ERC2: variants seen among roughly 807,000 people sequenced by gnomAD.
ERC2 encodes ERC protein 2.
In ERC2, 42 loss-of-function variants were observed where a neutral mutation model predicts 114.8. The ratio of observed to expected loss-of-function variants is 0.37; its 90% confidence interval spans 0.29 to 0.47. ERC2 has a LOEUF of 0.47. ERC2 is among the 20% of genes least tolerant of loss of function. The probability of loss-of-function intolerance (pLI) is 0.99; values close to 1 mark genes in which losing one functional copy is unlikely to be tolerated. For synonymous variants in ERC2, 454 were observed against 425.5 expected, an observed-to-expected ratio of 1.07 and a Z score of -0.82; for missense variants, 939 against 1,150.7, an observed-to-expected ratio of 0.82 and a Z score of 2.66.
chr3:55,631,261 A>G (rs1287974892), intron 17 of ERC2, among the ~76,000 whole-genome samples: 2 of 152,188 alleles, frequency 1.3e-5, no homozygotes, highest in Non-Finnish European at 2.9e-5. Flanking sequence ...CCAGGGACAC[A>G]ATGGGCTCTT....
intron 15 of ERC2, among the ~76,000 whole-genome samples, chr3:55,725,584 A>T (rs1391864025): frequency 2.0e-5 from 3 of 152,218 alleles, no homozygotes; most frequent in African/African-American, 7.2e-5. Flanking sequence ...TAGAGATGAT[A>T]AAACTCCAAG....
chr3:55,713,028 C>A (rs1015761187), intron 15 of ERC2, among the ~76,000 whole-genome samples: 1 of 151,488 alleles, frequency 6.6e-6, no homozygotes, highest in Non-Finnish European at 1.5e-5. Flanking sequence ...TTACCATCTG[C>A]TGTGCAATGC....
intron 6 of ERC2, among the ~76,000 whole-genome samples, chr3:56,084,231 G>A (rs969192706): frequency 1.5e-4 from 23 of 152,186 alleles, no homozygotes; most frequent in African/African-American, 5.1e-4. Context: ...TGGCTTGGAT[G>A]TGGTGGAAAG....
At chr3:56,159,088 C>G (rs2081905559) in intron 4 of ERC2, among the ~76,000 whole-genome samples, 1 of 151,768 alleles carries the variant, frequency 6.6e-6, no homozygotes, top group Non-Finnish European at 1.5e-5. Flanking sequence ...TGTGTGGCAC[C>G]CCCCCACCCC....
chr3:55,689,438 T>C (rs2062515621), intron 16 of ERC2, among the ~76,000 whole-genome samples: 1 of 152,098 alleles, frequency 6.6e-6, no homozygotes, highest in Admixed American at 6.5e-5. Flanking sequence ...GCCAACAATA[T>C]TGTTTGGGAG....
chr3:56,104,234 T>C (rs1239378067), intron 6 of ERC2, among the ~76,000 whole-genome samples: 1 of 152,206 alleles, frequency 6.6e-6, no homozygotes, highest in Non-Finnish European at 1.5e-5. Context: ...GATAGACTTA[T>C]TGGAGAAAAT....
intron 8 of ERC2, among the ~76,000 whole-genome samples, chr3:56,012,730 C>T (rs981194981): frequency 3.9e-5 from 6 of 152,146 alleles, no homozygotes; most frequent in African/African-American, 7.2e-5. Flanking sequence ...ATTGATGATT[C>T]AATACTACAA....
chr3:55,735,395 G>A (rs1266293500), intron 14 of ERC2, among the ~76,000 whole-genome samples: 3 of 152,204 alleles, frequency 2.0e-5, no homozygotes, highest in Non-Finnish European at 4.4e-5. Flanking sequence ...AAGGGCTTTT[G>A]TACTAACATG....
At chr3:56,395,332 T>TA in intron 2 of ERC2, among the ~76,000 whole-genome samples, 1 of 152,346 alleles carries the variant, frequency 6.6e-6, no homozygotes, top group East Asian at 1.9e-4. Flanking sequence ...TCTAAGCTGT[T>TA]AAAACCAAAG....
At chr3:56,254,793 C>T (rs986451878) in intron 3 of ERC2, among the ~76,000 whole-genome samples, 1 of 152,028 alleles carries the variant, frequency 6.6e-6, no homozygotes, top group Non-Finnish European at 1.5e-5. Flanking sequence ...CTCTGCCTCA[C>T]AATATTAAAT....
At chr3:56,293,055 A>G (rs555328256) in intron 3 of ERC2, among the ~76,000 whole-genome samples, 8 of 152,368 alleles carry the variant, frequency 5.3e-5, no homozygotes, top group South Asian at 2.1e-4. Context: ...CAGATCTTCA[A>G]TAAGTATTCA....
chr3:55,861,014 CA>C (rs1314585121), intron 14 of ERC2, among the ~76,000 whole-genome samples: 1 of 152,150 alleles, frequency 6.6e-6, no homozygotes, highest in African/African-American at 2.4e-5. Flanking sequence ...TAATTTCCCC[CA>C]AATAGAAAGG....
chr3:56,411,164 A>C (rs910531309), intron 2 of ERC2, among the ~76,000 whole-genome samples: 3 of 151,344 alleles, frequency 2.0e-5, no homozygotes, highest in Non-Finnish European at 4.4e-5. Context: ...TCTTATTAAC[A>C]GATTGATTTG....
intron 4 of ERC2, among the ~76,000 whole-genome samples, chr3:56,153,479 A>G (rs2081538540): frequency 6.6e-6 from 1 of 152,192 alleles, no homozygotes; most frequent in African/African-American, 2.4e-5. Context: ...AAGACTGACC[A>G]ATGCAGAAGA....
intron 13 of ERC2, among the ~76,000 whole-genome samples, chr3:55,895,263 T>C (rs2063788968): frequency 6.6e-6 from 1 of 152,226 alleles, no homozygotes; most frequent in Non-Finnish European, 1.5e-5. Flanking sequence ...ACACTGCTCC[T>C]AATTAAATCA....
intron 17 of ERC2, among the ~76,000 whole-genome samples, chr3:55,678,455 G>A (rs1190275187): frequency 6.6e-6 from 1 of 152,076 alleles, no homozygotes; most frequent in African/African-American, 2.4e-5. Flanking sequence ...CTAGTCCCTA[G>A]GTCCCTTTCA....
At chr3:55,910,686 A>G (rs1231504796) in intron 13 of ERC2, among the ~76,000 whole-genome samples, 2 of 152,192 alleles carry the variant, frequency 1.3e-5, no homozygotes, top group African/African-American at 4.8e-5. Context: ...AATACCATTT[A>G]TTTCTCACAG....
intron 14 of ERC2, among the ~76,000 whole-genome samples, chr3:55,775,394 C>T (rs866906611): frequency 4.0e-5 from 6 of 151,792 alleles, no homozygotes; most frequent in Admixed American, 2.6e-4. Context: ...TAGCCTGGCG[C>T]GGTTGTGCAT....
At chr3:55,934,640 T>C (rs1005292859) in intron 13 of ERC2, among the ~76,000 whole-genome samples, 3 of 151,922 alleles carry the variant, frequency 2.0e-5, no homozygotes, top group Admixed American at 6.6e-5. Context: ...CCTTCTGAAA[T>C]GGGGAATGGA....
Sources: gnomAD v4.1 joint callset for allele counts (sites outside exome capture counted in the v4.1 genomes callset) on GRCh38, gnomAD v4.1.1 for gene constraint, MANE v1.5 for transcripts, NCBI Gene and HGNC (gene_info 2026-07-23, HGNC 2026-07-21) for gene names.